Variants in KIAA1217 observed in about 807,000 individuals in gnomAD.
KIAA1217 encodes the protein sickle tail protein homolog.
KIAA1217 carries 88 observed loss-of-function variants against 163.9 expected under a neutral mutation model. That is an observed-to-expected ratio of 0.54 (90% CI 0.45 to 0.64). The LOEUF is 0.64. Ranked by LOEUF, KIAA1217 falls within the 30% of genes least tolerant of loss-of-function variation. The pLI, the probability that KIAA1217 is intolerant of heterozygous loss-of-function variation, is 0.00. For missense variants in KIAA1217, 2,372 were observed against 2,475.0 expected, an observed-to-expected ratio of 0.96 and a Z score of 0.88; for synonymous variants, 903 against 923.1, an observed-to-expected ratio of 0.98 and a Z score of 0.39.
chr10:24,176,293 G>C (rs555090818), intron 2 of KIAA1217, among the ~76,000 whole-genome samples: 2 of 152,182 alleles, frequency 1.3e-5, no homozygotes, highest in Admixed American at 1.3e-4. Flanking sequence ...CCTTCAGCTA[G>C]ACACAGAGTG....
intron 1 of KIAA1217, among the ~76,000 whole-genome samples, chr10:24,218,724 C>A (rs1589989046): frequency 6.6e-6 from 1 of 152,036 alleles, no homozygotes; most frequent in East Asian, 1.9e-4. Flanking sequence ...CTCCTGACCT[C>A]GTGATTCACC....
At chr10:24,183,965 A>G (rs981517573) in intron 2 of KIAA1217, among the ~76,000 whole-genome samples, 3 of 152,168 alleles carry the variant, frequency 2.0e-5, no homozygotes, top group African/African-American at 7.2e-5. Flanking sequence ...TGCATTCTTC[A>G]CCATCTTTAC....
intron 2 of KIAA1217, among the ~76,000 whole-genome samples, chr10:24,088,058 C>T (rs911046988): frequency 8.1e-6 from 1 of 123,360 alleles, no homozygotes; most frequent in African/African-American, 2.5e-5. Context: ...ATTCCCATTC[C>T]ACATCTCACA....
chr10:24,489,391 A>G (rs1348295364), intron 6 of KIAA1217, among the ~76,000 whole-genome samples: 3 of 152,228 alleles, frequency 2.0e-5, no homozygotes, highest in African/African-American at 4.8e-5. Context: ...TGGAAACTTA[A>G]GAACAAATCC....
chr10:23,783,319 T>G (rs1208884346), intron 1 of KIAA1217, among the ~76,000 whole-genome samples: 3 of 152,246 alleles, frequency 2.0e-5, no homozygotes, highest in Non-Finnish European at 2.9e-5. Context: ...TTGATTTAGA[T>G]GATTATGCTT....
intron 14 of KIAA1217, 120 bp from the exon 15 acceptor site, chr10:24,531,710 C>T: frequency 1.0e-6 from 1 of 960,646 alleles, no homozygotes; most frequent in Non-Finnish European, 1.5e-6. Context: ...TTAATCCTTG[C>T]TCTATGGAGA....
At chr10:24,399,384 C>T (rs1472634328) in intron 3 of KIAA1217, among the ~76,000 whole-genome samples, 4 of 152,196 alleles carry the variant, frequency 2.6e-5, no homozygotes, top group Admixed American at 2.6e-4. Flanking sequence ...CAAACCTCAT[C>T]TCTTTCCCAA....
intron 1 of KIAA1217, among the ~76,000 whole-genome samples, chr10:23,728,392 G>A (rs10828530): frequency 0.2 from 31,071 of 152,038 alleles, 3,339 homozygotes; most frequent in Middle Eastern, 0.26. Flanking sequence ...TTGTGGTTTT[G>A]ATTTGTATTT....
At chr10:23,962,044 C>T (rs954582605) in intron 1 of KIAA1217, among the ~76,000 whole-genome samples, 1 of 152,206 alleles carries the variant, frequency 6.6e-6, no homozygotes, top group Non-Finnish European at 1.5e-5. Flanking sequence ...TTCTGAGATA[C>T]TGGAGGTTAG....
chr10:23,734,636 T>C (rs1004156828), intron 1 of KIAA1217, among the ~76,000 whole-genome samples: 1 of 152,122 alleles, frequency 6.6e-6, no homozygotes, highest in Non-Finnish European at 1.5e-5. Context: ...CAATAGTTTG[T>C]TTGATTTTAT....
At chr10:23,875,081 G>A (rs1158460149) in intron 1 of KIAA1217, among the ~76,000 whole-genome samples, 2 of 152,012 alleles carry the variant, frequency 1.3e-5, no homozygotes, top group Non-Finnish European at 2.9e-5. Context: ...CTCAGAGCAA[G>A]AACTCACTCA....
chr10:24,476,183 G>T (rs546811589), intron 6 of KIAA1217, among the ~76,000 whole-genome samples: 7 of 152,294 alleles, frequency 4.6e-5, no homozygotes, highest in African/African-American at 1.7e-4. Context: ...ACCAAAGATG[G>T]TGTCTGCCTT....
intron 3 of KIAA1217, 22 bp from the exon 4 acceptor site, chr10:24,432,973 T>C (rs1349555562): frequency 1.2e-6 from 2 of 1,608,472 alleles, no homozygotes; most frequent in Non-Finnish European, 1.7e-6. Flanking sequence ...CTGTGACTAA[T>C]AACTGTTTCC....
intron 2 of KIAA1217, among the ~76,000 whole-genome samples, chr10:24,021,810 C>G (rs942665617): frequency 6.6e-6 from 1 of 151,610 alleles, no homozygotes; most frequent in African/African-American, 2.4e-5. Context: ...CAAATATAGT[C>G]AACTGATCTC....
intron 2 of KIAA1217, among the ~76,000 whole-genome samples, chr10:24,238,594 A>C (rs1288449395): frequency 6.6e-6 from 1 of 152,246 alleles, no homozygotes; most frequent in African/African-American, 2.4e-5. Context: ...GCAGCCATAG[A>C]AGCCGAGGGG....
intron 5 of KIAA1217, among the ~76,000 whole-genome samples, chr10:24,472,095 GA>G (rs1297759066): frequency 1.3e-5 from 2 of 152,002 alleles, no homozygotes; most frequent in African/African-American, 2.4e-5. Context: ...CCATAAGGAA[GA>G]AAAAAATGTG....
intron 1 of KIAA1217, among the ~76,000 whole-genome samples, chr10:23,867,865 C>T (rs1169523222): frequency 6.6e-6 from 1 of 152,110 alleles, no homozygotes; most frequent in African/African-American, 2.4e-5. Flanking sequence ...AATTAGATCC[C>T]ATTTGTCAAT....
intron 1 of KIAA1217, among the ~76,000 whole-genome samples, chr10:23,758,180 C>T (rs1834018293): frequency 6.6e-6 from 1 of 152,138 alleles, no homozygotes; most frequent in South Asian, 2.1e-4. Context: ...AAGAGTTTTA[C>T]AGTTATAGCT....
At chr10:24,071,578 T>C (rs2061187981) in intron 2 of KIAA1217, among the ~76,000 whole-genome samples, 1 of 152,230 alleles carries the variant, frequency 6.6e-6, no homozygotes, top group South Asian at 2.1e-4. Flanking sequence ...TTGAAGTACA[T>C]GATTTGGGAA....
Sources: gnomAD v4.1 joint callset for allele counts (sites outside exome capture counted in the v4.1 genomes callset) on GRCh38, gnomAD v4.1.1 for gene constraint, MANE v1.5 for transcripts, NCBI Gene and HGNC (gene_info 2026-07-23, HGNC 2026-07-21) for gene names.